The following RBL2 variants were observed in gnomAD, a reference collection of about 807,000 sequenced individuals.
RBL2 encodes the protein RB transcriptional corepressor like 2.
Under a neutral mutation model 126.0 loss-of-function variants are expected in RBL2, and 56 were observed. The ratio of observed to expected loss-of-function variants is 0.44; its 90% CI spans 0.36 to 0.56. The LOEUF (loss-of-function observed/expected upper bound fraction) is 0.56. Among genes scored for constraint, RBL2 ranks in the 20% least tolerant of loss-of-function variants. RBL2 has a pLI of 0.00. For missense variants in RBL2, 1,229 were observed against 1,398.2 expected (o/e 0.88, Z 1.93); for synonymous variants, 454 against 478.5 (o/e 0.95, Z 0.67).
chr16:53,490,717 A>T lies in RBL2; in HGVS notation c.*417A>T, dbSNP rs1961388955. On this transcript the variant is annotated 3_prime_UTR_variant, in exon 22 of 22. Coordinates refer to ENST00000262133, the MANE Select transcript of RBL2 (RefSeq NM_005611.4). ...TAGTCCTCATAAAAAGCAAAACAAAAATTAGGTATTTTGTCCTAAAACACC... is the reference window on the plus strand; with the variant it reads ...TAGTCCTCATAAAAAGCAAAACAAATATTAGGTATTTTGTCCTAAAACACC... 6.5e-6 allele frequency: 1 copy of T among 154,516 alleles called. No homozygotes were observed. 9.6% of individuals were successfully genotyped at this position (154,516 alleles called of 1,614,324 possible).
At chr16:53,488,525 G>C (rs995140084) in intron 21 of RBL2, 9 of 152,174 alleles carry the variant, frequency 5.9e-5, no homozygotes, top group African/African-American at 2.2e-4. Flanking sequence ...TCATCTTGAC[G>C]TAATAGGTGA....
intron 12 of RBL2, 42 bp from the exon 13 acceptor site, chr16:53,465,396 A>C: frequency 7.8e-7 from 1 of 1,275,480 alleles, no homozygotes; most frequent in Non-Finnish European, 1.0e-6. Context: ...ATTTAAAAAT[A>C]TTTAATAATT....
At chr16:53,436,511 G>T (rs2057959886) in intron 1 of RBL2, among the ~76,000 whole-genome samples, 1 of 152,152 alleles carries the variant, frequency 6.6e-6, no homozygotes, top group South Asian at 2.1e-4. Context: ...GCTACACATT[G>T]TTCTAGGTGC....
intron 18 of RBL2, 69 bp downstream of exon 18, chr16:53,479,294 A>G: frequency 7.1e-7 from 1 of 1,406,498 alleles, no homozygotes; most frequent in Non-Finnish European, 1.0e-6. Context: ...AAAATTAACC[A>G]TAGTTGACTC....
chr16:53,443,493 A>G (rs1403810111), intron 3 of RBL2, among the ~76,000 whole-genome samples: 1 of 152,216 alleles, frequency 6.6e-6, no homozygotes, highest in African/African-American at 2.4e-5. Flanking sequence ...GGATTGGGAA[A>G]AGACAGGAGA....
chr16:53,442,977 C>T (rs1179043042), intron 3 of RBL2, 119 bp downstream of exon 3: 1 of 836,000 alleles, frequency 1.2e-6, no homozygotes, highest in Admixed American at 3.7e-5. Flanking sequence ...AATCTTTTTC[C>T]TCAGTCGTTT....
At position 53,470,163 on chromosome 16, in the gene RBL2, A is replaced by G. The variant is rs1326073098; in HGVS notation, c.2223A>G (p.Gln741=). ...CCACTGTCACAGCCAACAATGGGCA[A>G]ACGGTAACCATTCCTGTGCAAGGTA... The part of the protein sequence containing the change: ...ATATVTANNG[Q]TVTIPVQGIA... The change falls in exon 15 of 22, where the codon CAA becomes CAG. Residue 741 remains glutamine (Q), a synonymous_variant. Coordinates refer to ENST00000262133, the MANE Select transcript of RBL2 (RefSeq NM_005611.4). 1 of 1,610,402 alleles carries G rather than the reference A, an allele frequency of 6.2e-7. No homozygotes were observed. The highest frequency in any genetic ancestry group is 1.7e-5 in the Admixed American group (1 of 59,928).
intron 17 of RBL2, among the ~76,000 whole-genome samples, chr16:53,477,941 G>T (rs1029813171): frequency 1.3e-5 from 2 of 152,024 alleles, no homozygotes; most frequent in African/African-American, 4.8e-5. Flanking sequence ...TTTGCTTTTG[G>T]CTTCTAGAAT....
chr16:53,440,377 A>G (rs2058003360), intron 2 of RBL2, among the ~76,000 whole-genome samples: 1 of 152,144 alleles, frequency 6.6e-6, no homozygotes, highest in Admixed American at 6.5e-5. Flanking sequence ...CTTTAACTCC[A>G]TCCTGAGTTA....
chr16:53,451,579 T>C (rs1277307134), intron 4 of RBL2, 124 bp from the exon 5 acceptor site: 11 of 1,051,044 alleles, frequency 1.0e-5, no homozygotes, highest in Non-Finnish European at 1.5e-5. Flanking sequence ...GCCAAAACAC[T>C]TATTGTAATG....
chr16:53,434,473 C>G lies in RBL2; in HGVS notation c.-84C>G. The G allele has an allele frequency of 7.8e-7, 1 of 1,284,990 alleles. No individual in the cohort carries two copies. Among genetic ancestry groups the G allele is most frequent in the Non-Finnish European group, 9.9e-7 (1 of 1,008,682 alleles). 79.6% of individuals were successfully genotyped at this position (1,284,990 alleles called of 1,614,324 possible). A position where few individuals can be genotyped will look rare whatever the true frequency, so the allele number is the denominator to read the frequency against. ...GGCGGCGCAGGCGCGGTGCGGGCGGCGGACGGGCGGGCGCTTCGCCGTTTG... is the reference window on the plus strand; with the variant it reads ...GGCGGCGCAGGCGCGGTGCGGGCGGGGGACGGGCGGGCGCTTCGCCGTTTG... On this transcript the variant is annotated 5_prime_UTR_variant, in exon 1 of 22. Transcript: ENST00000262133.
chr16:53,451,362 C>T (rs1024822888), intron 4 of RBL2, among the ~76,000 whole-genome samples: 1 of 151,892 alleles, frequency 6.6e-6, no homozygotes, highest in Non-Finnish European at 1.5e-5. Context: ...TTAAATTAGC[C>T]ATGTGTGGTG....
In RBL2 at chr16:53,457,258, C is replaced by CTTTTTTTTTTTTT. The variant is rs756763534; in HGVS notation, c.1180-2186_1180-2174dup. ...GGGTCATCAGGGTGGGTACAGATAG[C>CTTTTTTTTTTTTT]TTTTTTTTTTTTTTTTTTTGAGATG... On this transcript the variant is annotated intron_variant, in intron 8 of 21. Transcript: ENST00000262133. 1.0e-3 allele frequency among the ~76,000 whole-genome samples: 90 copies of CTTTTTTTTTTTTT among 89,928 alleles called. 14 individuals carry two copies. The highest frequency in any genetic ancestry group is 4.4e-3 in the African/African-American group (74 of 16,714). 59.0% of individuals were successfully genotyped at this position (89,928 alleles called of 152,430 possible).
chr16:53,455,884 G>A (rs1171298593), intron 8 of RBL2, among the ~76,000 whole-genome samples: 2 of 152,184 alleles, frequency 1.3e-5, no homozygotes, highest in East Asian at 3.9e-4. Flanking sequence ...AAGAAGTGAC[G>A]GGAGGCCAGG....
intron 2 of RBL2, among the ~76,000 whole-genome samples, chr16:53,440,953 CTTTTTT>C (rs1178378934): frequency 2.8e-5 from 2 of 71,660 alleles, no homozygotes; most frequent in South Asian, 1.2e-3. Context: ...TTTTTCAGTT[CTTTTTT>C]TTTTTTTTTT....
intron 17 of RBL2, among the ~76,000 whole-genome samples, chr16:53,475,802 C>A (rs1468574113): frequency 9.5e-6 from 1 of 105,778 alleles, no homozygotes; most frequent in Non-Finnish European, 2.0e-5. Context: ...ATATCAGTAT[C>A]TTTTAAAAGA....
At chr16:53,435,633 T>A (rs1473067242) in intron 1 of RBL2, 1 of 1,283,548 alleles carries the variant, frequency 7.8e-7, no homozygotes, top group Non-Finnish European at 1.0e-6. Context: ...ATCAGCTGTT[T>A]GACTGTGTGT....
chr16:53,466,306 A>G (rs2058272004), intron 13 of RBL2, among the ~76,000 whole-genome samples: 1 of 152,150 alleles, frequency 6.6e-6, no homozygotes, highest in South Asian at 2.1e-4. Context: ...TTTTGGCACC[A>G]AGGACCAGTT....
chr16:53,480,428 T>C, intron 19 of RBL2, 139 bp from the exon 20 acceptor site: 1 of 713,322 alleles, frequency 1.4e-6, no homozygotes, highest in Non-Finnish European at 2.4e-6. Context: ...CTTTGCTTTT[T>C]GGTGTGAAGA....
Sources: allele counts gnomAD v4.1 joint callset (sites outside exome capture counted in the v4.1 genomes callset), GRCh38; gene constraint gnomAD v4.1.1; transcripts MANE v1.5; gene names NCBI Gene and HGNC (gene_info 2026-07-23, HGNC 2026-07-21).